NUP210L: variants seen among roughly 807,000 people sequenced by gnomAD.
NUP210L encodes nuclear pore membrane glycoprotein 210-like.
NUP210L carries 74 observed loss-of-function variants against 208.5 expected under a neutral mutation model. That is an observed-to-expected ratio of 0.35 (90% confidence interval 0.29 to 0.43). The LOEUF (loss-of-function observed/expected upper bound fraction) is 0.43. Ranked by LOEUF, NUP210L falls within the 20% of genes least tolerant of loss-of-function variation. The probability of loss-of-function intolerance (pLI) is 1.00; values close to 1 mark genes in which losing one functional copy is unlikely to be tolerated. For synonymous variants in NUP210L, 780 were observed against 816.9 expected, an observed-to-expected ratio of 0.95 and a Z score of 0.77; for missense variants, 1,843 against 2,289.4, an observed-to-expected ratio of 0.81 and a Z score of 3.98.
At chr1:154,140,168 T>A (rs541422385) in intron 4 of NUP210L, among the ~76,000 whole-genome samples, 1 of 151,620 alleles carries the variant, frequency 6.6e-6, no homozygotes, top group African/African-American at 2.4e-5. Context: ...CAGGCCAACA[T>A]GGCAAAACTC....
At chr1:154,025,430 C>G in intron 30 of NUP210L, 112 bp downstream of exon 30, 18 of 341,102 alleles carry the variant, frequency 5.3e-5, no homozygotes, top group Admixed American at 2.2e-4. Context: ...TTCTTTTTTT[C>G]TTTAATGGCA....
At chr1:154,094,480 TA>T (rs768171471) in intron 15 of NUP210L, among the ~76,000 whole-genome samples, 16 of 152,030 alleles carry the variant, frequency 1.1e-4, no homozygotes, top group Non-Finnish European at 4.4e-5. Context: ...TAAAAATAAT[TA>T]AAAATAATTC....
At chr1:154,118,376 G>A (rs957413507) in intron 11 of NUP210L, among the ~76,000 whole-genome samples, 2 of 152,058 alleles carry the variant, frequency 1.3e-5, no homozygotes, top group East Asian at 3.8e-4. Flanking sequence ...TAACAGGCAA[G>A]AGAAATACTA....
chr1:154,042,264 T>C (rs1470255967), intron 27 of NUP210L, among the ~76,000 whole-genome samples: 2 of 151,858 alleles, frequency 1.3e-5, no homozygotes, highest in Non-Finnish European at 2.9e-5. Context: ...TATGCCTGGC[T>C]AATCTCATGT....
rs114869513 is a variant in NUP210L at position 154,008,318 on chromosome 1, C to T, written c.4930+1654G>A. Among the ~76,000 whole-genome samples, 1,143 of 151,916 alleles carry T rather than the reference C, an allele frequency of 7.5e-3. 13 individuals are homozygous for T. Among genetic ancestry groups the T allele is most frequent in the African/African-American group, 0.026 (1,097 of 41,464 alleles). ...CTATAATCCCAGCACTTTGGGAGGC[C>T]GAGGTGGATCACTTGAGGCTAAGAG... On this transcript the variant is annotated intron_variant, in intron 35 of 39. Transcript: ENST00000368559.
Position 154,049,992 on chromosome 1 carries a change from A to G in NUP210L, c.3484-3623T>C, listed in dbSNP as rs186355575. On this transcript the variant is annotated intron_variant, in intron 25 of 39. Transcript: ENST00000368559. ...TTGAACCTACTCATAAAAAATTTTC[A>G]CAGTATTACATTATTCCTTATATGG... 2.0e-4 allele frequency among the ~76,000 whole-genome samples: 31 copies of G among 152,286 alleles called. 1 individual carries two copies. The East Asian group carries it at 4.6e-3, about 23-fold the overall frequency.
chr1:154,006,731 G>A (rs1165841527), intron 35 of NUP210L, among the ~76,000 whole-genome samples: 4 of 149,530 alleles, frequency 2.7e-5, no homozygotes, highest in African/African-American at 9.8e-5. Flanking sequence ...CTGACCTCGG[G>A]TGATCTGCCT....
intron 7 of NUP210L, among the ~76,000 whole-genome samples, chr1:154,130,435 G>A (rs187900572): frequency 1.5e-4 from 23 of 152,072 alleles, no homozygotes; most frequent in Middle Eastern, 3.4e-3. Context: ...ACCTCGCCCA[G>A]CTAATTATTG....
chr1:154,096,445 T>G (rs1656184713), intron 14 of NUP210L, among the ~76,000 whole-genome samples: 1 of 151,972 alleles, frequency 6.6e-6, no homozygotes, highest in Admixed American at 6.6e-5. Context: ...TTAGAGTAGG[T>G]AAAGAATATA....
chr1:154,053,525 C>T (rs1025364715), intron 25 of NUP210L, among the ~76,000 whole-genome samples: 6 of 152,208 alleles, frequency 3.9e-5, no homozygotes, highest in African/African-American at 9.6e-5. Context: ...ATGATGCCCA[C>T]GCTGAAGGTT....
intron 10 of NUP210L, among the ~76,000 whole-genome samples, chr1:154,122,810 G>A (rs535135814): frequency 2.0e-5 from 3 of 152,216 alleles, no homozygotes; most frequent in African/African-American, 7.2e-5. Flanking sequence ...TCTAATCCCA[G>A]CACCTTGGGA....
intron 37 of NUP210L, chr1:153,995,547 A>G (rs1649797786): frequency 1.5e-6 from 1 of 663,368 alleles, no homozygotes; most frequent in Non-Finnish European, 2.8e-6. Context: ...CTTAGATTTC[A>G]AAGGATGCTT....
intron 27 of NUP210L, among the ~76,000 whole-genome samples, chr1:154,038,528 A>G (rs571051015): frequency 6.6e-6 from 1 of 151,992 alleles, no homozygotes; most frequent in East Asian, 1.9e-4. Flanking sequence ...TTTTTTTAGT[A>G]GAGACGGGGT....
chr1:154,038,144 A>G (rs1652664121), intron 27 of NUP210L, among the ~76,000 whole-genome samples: 1 of 150,160 alleles, frequency 6.7e-6, no homozygotes, highest in African/African-American at 2.5e-5. Context: ...GGTTTATTTT[A>G]TCTTTTGAGA....
intron 16 of NUP210L, among the ~76,000 whole-genome samples, chr1:154,088,684 A>G (rs1466149087): frequency 6.6e-6 from 1 of 152,200 alleles, no homozygotes; most frequent in African/African-American, 2.4e-5. Flanking sequence ...TGTACTTTGG[A>G]GTCAGACAGA....
chr1:154,150,266 C>T (rs1335424320), intron 2 of NUP210L, among the ~76,000 whole-genome samples: 1 of 152,012 alleles, frequency 6.6e-6, no homozygotes. Flanking sequence ...CCCAGCTACT[C>T]GGGAGGCTGA....
chr1:154,054,505 C>T, intron 24 of NUP210L, 98 bp from the exon 25 acceptor site: 8 of 1,155,754 alleles, frequency 6.9e-6, no homozygotes, highest in Non-Finnish European at 8.8e-6. Context: ...TCTTCATCTT[C>T]CCCCATTTCT....
At chr1:154,008,283 T>C (rs1650688530) in intron 35 of NUP210L, among the ~76,000 whole-genome samples, 1 of 152,104 alleles carries the variant, frequency 6.6e-6, no homozygotes, top group Admixed American at 6.6e-5. Context: ...CTGGACATGG[T>C]GGTTCATGCC....
At chr1:154,128,217 G>A (rs36106412) in intron 8 of NUP210L, among the ~76,000 whole-genome samples, 13,958 of 152,208 alleles carry the variant, frequency 0.092, 814 homozygotes, top group Non-Finnish European at 0.14. Flanking sequence ...TTGGCCTGGT[G>A]GCTCATGCCT....
Sources: allele counts gnomAD v4.1 joint callset (sites outside exome capture counted in the v4.1 genomes callset), GRCh38; gene constraint gnomAD v4.1.1; transcripts MANE v1.5; gene names NCBI Gene and HGNC (gene_info 2026-07-23, HGNC 2026-07-21).